Variants in HDAC9 observed in about 807,000 individuals in gnomAD.
HDAC9 encodes the protein histone deacetylase 9, also known as MEF-2 interacting transcription repressor (MITR) protein.
In HDAC9, 41 loss-of-function variants were observed where a neutral mutation model predicts 139.4. That is an observed-to-expected ratio of 0.29 (90% CI 0.23 to 0.38). The LOEUF (loss-of-function observed/expected upper bound fraction) is 0.38. Among genes scored for constraint, HDAC9 ranks in the 10% least tolerant of loss-of-function variants. The probability of loss-of-function intolerance (pLI) is 1.00; values close to 1 mark genes in which losing one functional copy is unlikely to be tolerated. For synonymous variants in HDAC9, 517 were observed against 476.2 expected, an observed-to-expected ratio of 1.09 and a Z score of -1.12; for missense variants, 1,147 against 1,297.0, an observed-to-expected ratio of 0.88 and a Z score of 1.78.
At chr7:18,672,085 T>A (rs1454359780) in intron 12 of HDAC9, among the ~76,000 whole-genome samples, 1 of 151,968 alleles carries the variant, frequency 6.6e-6, no homozygotes, top group Non-Finnish European at 1.5e-5. Flanking sequence ...AGGAGTGAAA[T>A]TTCTGGGTAA....
chr7:18,937,786 T>C (rs1467785148), intron 23 of HDAC9, among the ~76,000 whole-genome samples: 1 of 152,208 alleles, frequency 6.6e-6, no homozygotes, highest in Non-Finnish European at 1.5e-5. Flanking sequence ...AAAGAAATGT[T>C]ACCTGATTGC....
intron 6 of HDAC9, among the ~76,000 whole-genome samples, chr7:18,608,959 C>T (rs988187891): frequency 2.6e-5 from 4 of 152,142 alleles, no homozygotes; most frequent in African/African-American, 9.7e-5. Flanking sequence ...AAGCAAAGAT[C>T]CAAGCCACCC....
At chr7:18,664,913 G>C (rs960378890) in intron 11 of HDAC9, among the ~76,000 whole-genome samples, 71 of 152,212 alleles carry the variant, frequency 4.7e-4, no homozygotes, top group African/African-American at 1.7e-3. Flanking sequence ...ATGGTGTCTT[G>C]AACATAGTTG....
At chr7:18,419,620 T>A (rs534632123) in intron 1 of HDAC9, among the ~76,000 whole-genome samples, 74 of 152,304 alleles carry the variant, frequency 4.9e-4, no homozygotes, top group African/African-American at 1.8e-3. Context: ...ACAGAACTCT[T>A]TATTTAAAGG....
intron 11 of HDAC9, among the ~76,000 whole-genome samples, chr7:18,654,157 C>G (rs1376865182): frequency 2.0e-5 from 3 of 152,054 alleles, no homozygotes; most frequent in Non-Finnish European, 4.4e-5. Context: ...TAAAGTTATA[C>G]TTCATATTCT....
chr7:18,629,599 A>G (rs1189097526), intron 7 of HDAC9, 118 bp downstream of exon 7: 1 of 1,010,878 alleles, frequency 9.9e-7, no homozygotes, highest in East Asian at 2.9e-5. Context: ...ATTTCTTGAA[A>G]GGAAATTATA....
intron 22 of HDAC9, among the ~76,000 whole-genome samples, chr7:18,901,823 A>G (rs552302826): frequency 2.6e-5 from 4 of 152,336 alleles, no homozygotes; most frequent in African/African-American, 7.2e-5. Context: ...CTGCATATAT[A>G]CATTTCTAAT....
chr7:18,704,142 A>T (rs545162754), intron 12 of HDAC9, among the ~76,000 whole-genome samples: 51 of 152,280 alleles, frequency 3.3e-4, no homozygotes, highest in African/African-American at 1.2e-3. Flanking sequence ...TATAATCAGG[A>T]CCCAGTGGCA....
intron 2 of HDAC9, among the ~76,000 whole-genome samples, chr7:18,549,661 C>G (rs1026204545): frequency 6.6e-6 from 1 of 152,020 alleles, no homozygotes; most frequent in Non-Finnish European, 1.5e-5. Context: ...TTGGGGAAAA[C>G]TAGGTGAAGC....
At chr7:18,785,580 T>A (rs1585033311) in intron 16 of HDAC9, among the ~76,000 whole-genome samples, 1 of 152,232 alleles carries the variant, frequency 6.6e-6, no homozygotes, top group East Asian at 1.9e-4. Context: ...AAAAAAAATA[T>A]TTTAGCACTT....
At chr7:18,967,390 C>T (rs1783931135) in intron 24 of HDAC9, among the ~76,000 whole-genome samples, 1 of 151,448 alleles carries the variant, frequency 6.6e-6, no homozygotes, top group African/African-American at 2.4e-5. Context: ...GCTAATGATA[C>T]AGTGTCCTTA....
At chr7:18,441,662 A>T (rs903232812) in intron 1 of HDAC9, among the ~76,000 whole-genome samples, 7 of 152,232 alleles carry the variant, frequency 4.6e-5, no homozygotes, top group Admixed American at 6.5e-5. Flanking sequence ...TGTTTTAGAA[A>T]TATAAAACAA....
At chr7:18,147,528 T>C (rs1786429278) in intron 1 of HDAC9, among the ~76,000 whole-genome samples, 3 of 149,298 alleles carry the variant, frequency 2.0e-5, no homozygotes, top group Admixed American at 2.0e-4. Flanking sequence ...ATGTTGTTTA[T>C]TTTTTTATTA....
At chr7:18,817,883 G>A (rs79915509) in intron 17 of HDAC9, among the ~76,000 whole-genome samples, 93 of 152,100 alleles carry the variant, frequency 6.1e-4, no homozygotes, top group East Asian at 4.1e-3. Context: ...TAAGTAGCAA[G>A]GTAGATTAAA....
At chr7:18,905,141 T>A (rs370123053) in intron 22 of HDAC9, among the ~76,000 whole-genome samples, 1 of 152,082 alleles carries the variant, frequency 6.6e-6, no homozygotes, top group South Asian at 2.1e-4. Flanking sequence ...TCCACCCGCC[T>A]TGGCCTCCCA....
chr7:18,122,778 C>T (rs115912085), intron 1 of HDAC9, among the ~76,000 whole-genome samples: 11 of 151,936 alleles, frequency 7.2e-5, no homozygotes, highest in African/African-American at 2.7e-4. Context: ...GCCACCATAC[C>T]GAGCTAATTT....
chr7:18,934,333 A>C (rs1781473131), intron 22 of HDAC9, among the ~76,000 whole-genome samples: 1 of 152,106 alleles, frequency 6.6e-6, no homozygotes, highest in Non-Finnish European at 1.5e-5. Context: ...TGGCCAATAC[A>C]GGAATGGAAA....
At chr7:18,949,105 G>T in intron 23 of HDAC9, 2 of 317,376 alleles carry the variant, frequency 6.3e-6, no homozygotes, top group East Asian at 8.7e-5. Flanking sequence ...GTTTTTTGAA[G>T]GATTCTTGAC....
intron 2 of HDAC9, among the ~76,000 whole-genome samples, chr7:18,244,994 C>CCTCCATCTATCTATCTATCT (rs71553924): frequency 2.7e-5 from 4 of 147,960 alleles, no homozygotes; most frequent in African/African-American, 7.6e-5. Flanking sequence ...ATCTAATCTG[C>CCTCCATCTATCTATCTATCT]ATCTATCTAT....
Sources: allele counts gnomAD v4.1 joint callset (sites outside exome capture counted in the v4.1 genomes callset), GRCh38; gene constraint gnomAD v4.1.1; transcripts MANE v1.5; gene names NCBI Gene and HGNC (gene_info 2026-07-23, HGNC 2026-07-21).